Variants in APTX observed in about 807,000 individuals in gnomAD.
APTX encodes aprataxin, also known as forkhead-associated domain histidine triad-like protein.
APTX carries 33 observed loss-of-function variants against 42.3 expected under a neutral mutation model. The observed-to-expected ratio is 0.78, with a 90% CI of 0.59 to 1.04. The LOEUF (loss-of-function observed/expected upper bound fraction) is 1.04. APTX is among the 50% of genes least tolerant of loss of function. The pLI, the probability that APTX is intolerant of heterozygous loss-of-function variation, is 0.00. For missense variants in APTX, 421 were observed against 415.1 expected, an observed-to-expected ratio of 1.01 and a Z score of -0.12; for synonymous variants, 130 against 146.7, an observed-to-expected ratio of 0.89 and a Z score of 0.82.
At chr9:33,006,729 G>A (rs893291256) in intron 1 of APTX, among the ~76,000 whole-genome samples, 5 of 151,998 alleles carry the variant, frequency 3.3e-5, no homozygotes, top group Admixed American at 6.6e-5. Flanking sequence ...GGCCGGGTGC[G>A]GTGGCTCACA....
At chr9:32,999,703 C>T (rs1238882147) in intron 1 of APTX, among the ~76,000 whole-genome samples, 1 of 152,182 alleles carries the variant, frequency 6.6e-6, no homozygotes, top group African/African-American at 2.4e-5. Flanking sequence ...AGGCCGGGTG[C>T]GGTGGCTCAC....
At chr9:33,014,413 T>A (rs1192589636) in intron 1 of APTX, among the ~76,000 whole-genome samples, 1 of 152,248 alleles carries the variant, frequency 6.6e-6, no homozygotes, top group African/African-American at 2.4e-5. Context: ...AATGGCAGTT[T>A]AACCCAACAG....
chr9:33,002,289 C>G (rs556522119), upstream of APTX, among the ~76,000 whole-genome samples: 3 of 152,124 alleles, frequency 2.0e-5, no homozygotes, highest in Admixed American at 6.5e-5. Context: ...TTCTCAAGTA[C>G]AACACACTGG....
At chr9:33,000,094 T>G (rs112925142) in intron 1 of APTX, among the ~76,000 whole-genome samples, 79 of 152,294 alleles carry the variant, frequency 5.2e-4, no homozygotes, top group African/African-American at 1.8e-3. Flanking sequence ...CAAACATTGG[T>G]TCTACCACCT....
intron 1 of APTX, 196 bp downstream of exon 1, chr9:33,001,371 C>G (rs2119139651): frequency 5.2e-6 from 8 of 1,530,556 alleles, no homozygotes; most frequent in Non-Finnish European, 7.0e-6. Flanking sequence ...CAAAGTGGGT[C>G]GAAGACCAAC....
chr9:32,982,630 A>G (rs1830939562), intron 6 of APTX, among the ~76,000 whole-genome samples: 1 of 152,226 alleles, frequency 6.6e-6, no homozygotes, highest in Non-Finnish European at 1.5e-5. Context: ...ATAAATAGCA[A>G]CTTTGCTTAT....
chr9:32,987,338 C>T (rs115075061), intron 4 of APTX, among the ~76,000 whole-genome samples: 139 of 152,298 alleles, frequency 9.1e-4, no homozygotes, highest in African/African-American at 3.3e-3. Context: ...TATTGTTGTA[C>T]CTTCAGGTGG....
intron 6 of APTX, among the ~76,000 whole-genome samples, chr9:32,978,679 A>G (rs753748647): frequency 6.6e-6 from 1 of 151,646 alleles, no homozygotes; most frequent in Non-Finnish European, 1.5e-5. Flanking sequence ...AATAATAGAC[A>G]GCAGATTTTA....
intron 1 of APTX, chr9:33,015,955 T>C (rs771352469): frequency 6.6e-6 from 1 of 152,202 alleles, no homozygotes; most frequent in African/African-American, 2.4e-5. Flanking sequence ...AAACTTAAGT[T>C]AGAATACATT....
chr9:33,004,623 GCCAA>G (rs777267014), upstream of APTX, among the ~76,000 whole-genome samples: 2 of 142,800 alleles, frequency 1.4e-5, no homozygotes, highest in Admixed American at 7.2e-5. Flanking sequence ...CCACATTCTT[GCCAA>G]CCCTTTTTTT....
intron 1 of APTX, among the ~76,000 whole-genome samples, chr9:32,992,627 T>C (rs1410947796): frequency 6.6e-6 from 1 of 152,342 alleles, no homozygotes. Context: ...AATACTAGGC[T>C]GAAAAGTTTA....
rs60760701 is a variant in APTX, at chr9:33,000,625, C to CAAAAAAAAAAAAAAAAA, written c.-5+925_-5+941dup. Among the ~76,000 whole-genome samples the CAAAAAAAAAAAAAAAAA allele has an allele frequency of 2.8e-4, 18 of 63,406 alleles. 1 individual carries two copies. Among genetic ancestry groups the CAAAAAAAAAAAAAAAAA allele is most frequent in the East Asian group, 5.4e-4 (1 of 1,864 alleles). 41.6% of individuals were successfully genotyped at this position (63,406 alleles called of 152,430 possible). A position where few individuals can be genotyped will look rare whatever the true frequency, so the allele number is the denominator to read the frequency against. ...TGGGTAACAGAGTGAGACTCTGTCTCAAAAAAAAAAAAAAAAAAAAAAGAA... is the reference window on the plus strand; with the variant it reads ...TGGGTAACAGAGTGAGACTCTGTCTCAAAAAAAAAAAAAAAAAAAAAAAAAAAAAAAAAAAAAAAGAA... On this transcript the variant is annotated intron_variant, in intron 1 of 7. Coordinates refer to ENST00000379817, the MANE Select transcript of APTX (RefSeq NM_001195248.2).
intron 1 of APTX, chr9:32,997,184 A>G (rs998283349): frequency 6.6e-6 from 1 of 152,170 alleles, no homozygotes; most frequent in African/African-American, 2.4e-5. Flanking sequence ...GAATAAAGAG[A>G]TAATATATGA....
At chr9:33,024,832 T>C (rs1564009425) in intron 1 of APTX, 1 of 122,798 alleles carries the variant, frequency 8.1e-6, no homozygotes, top group Admixed American at 1.1e-4. Context: ...GCTCGCCACG[T>C]TCCCAAAAAG....
At chr9:32,994,250 A>G (rs145630159) in intron 1 of APTX, among the ~76,000 whole-genome samples, 3 of 152,352 alleles carry the variant, frequency 2.0e-5, no homozygotes, top group Non-Finnish European at 4.4e-5. Flanking sequence ...CTAGTACAAC[A>G]GAGAAACTAC....
chr9:32,974,567 T>G lies in APTX; in HGVS notation c.771-6A>C. On this transcript the variant is annotated splice_polypyrimidine_tract_variant and splice_region_variant and intron_variant, in intron 6 of 7. Transcript: ENST00000379817. ...TCACATGAAGATGTACATGGCTAGT[T>G]GAAAGAAAAAAAAACTGAGCATTAA... 6.6e-7 allele frequency: 1 copy of G among 1,515,254 alleles called. No individual in the cohort carries two copies. The highest frequency in any genetic ancestry group is 8.9e-7 in the Non-Finnish European group (1 of 1,122,932). 93.9% of individuals were successfully genotyped at this position (1,515,254 alleles called of 1,614,324 possible).
At chr9:33,005,379 C>A (rs1470917668), upstream of APTX, among the ~76,000 whole-genome samples, 1 of 151,956 alleles carries the variant, frequency 6.6e-6, no homozygotes, top group Non-Finnish European at 1.5e-5. Flanking sequence ...AGTTTTAGGT[C>A]TTATGTTTAG....
At chr9:33,004,303 A>T (rs942245951), upstream of APTX, among the ~76,000 whole-genome samples, 4 of 152,292 alleles carry the variant, frequency 2.6e-5, no homozygotes, top group Admixed American at 1.3e-4. Context: ...GAGAGATTTT[A>T]AAAAACTACA....
intron 6 of APTX, among the ~76,000 whole-genome samples, chr9:32,982,802 G>A (rs987069420): frequency 1.3e-5 from 2 of 152,080 alleles, no homozygotes; most frequent in African/African-American, 2.4e-5. Flanking sequence ...TCTGCATTAG[G>A]GAAACAGGAT....
Sources: gnomAD v4.1 joint callset for allele counts (sites outside exome capture counted in the v4.1 genomes callset) on GRCh38, gnomAD v4.1.1 for gene constraint, MANE v1.5 for transcripts, NCBI Gene and HGNC (gene_info 2026-07-23, HGNC 2026-07-21) for gene names.